The following SAMD14 variants were observed in gnomAD, a reference collection of about 807,000 sequenced individuals.
SAMD14 encodes the protein sterile alpha motif domain containing 14.
A neutral mutation model predicts 46.2 loss-of-function variants in SAMD14; 27 were observed. The observed-to-expected ratio is 0.58, with a 90% CI of 0.43 to 0.81. The LOEUF (loss-of-function observed/expected upper bound fraction) is 0.81. Among genes scored for constraint, SAMD14 ranks in the 30% least tolerant of loss-of-function variants. SAMD14 has a pLI of 0.00. For missense variants in SAMD14, 559 were observed against 582.2 expected (o/e 0.96, Z 0.41); for synonymous variants, 241 against 254.3 (o/e 0.95, Z 0.50).
intron 1 of SAMD14, among the ~76,000 whole-genome samples, chr17:50,125,739 T>C (rs1174724933): frequency 6.6e-6 from 1 of 152,166 alleles, no homozygotes; most frequent in Non-Finnish European, 1.5e-5. Flanking sequence ...ACAAGAGCTG[T>C]TCAGGAAGCT....
At position 50,112,882 on chromosome 17, in the gene SAMD14, T is replaced by G; in HGVS notation, c.*11A>C. The G allele has an allele frequency of 6.2e-7, 1 of 1,600,578 alleles. No homozygotes were observed. The highest frequency in any genetic ancestry group is 8.5e-7 in the Non-Finnish European group (1 of 1,178,662). On this transcript the variant is annotated 3_prime_UTR_variant, in exon 10 of 10. Coordinates refer to ENST00000330175, the MANE Select transcript of SAMD14 (RefSeq NM_001257359.2). ...TGCCCCTGCCGGGTGCCAGCGCCTG[T>G]GCACCCTCCCCTAGCTCTTCTTGGC...
chr17:50,124,774 CACACACACACACA>C (rs1911687197), intron 2 of SAMD14, 130 bp downstream of exon 2: 1 of 502,300 alleles, frequency 2.0e-6, no homozygotes, highest in African/African-American at 2.9e-5. Flanking sequence ...CGCGCGCGCA[CACACACACACACA>C]CACACACACA....
intron 4 of SAMD14, among the ~76,000 whole-genome samples, chr17:50,116,895 T>G (rs1418074218): frequency 6.6e-6 from 1 of 152,052 alleles, no homozygotes; most frequent in African/African-American, 2.4e-5. Context: ...GTTTTTGTTT[T>G]GTTTTGTTTT....
At chr17:50,125,033 C>T (rs1199671507) in intron 1 of SAMD14, 62 bp from the exon 2 acceptor site, 16 of 1,508,738 alleles carry the variant, frequency 1.1e-5, no homozygotes, top group Admixed American at 3.4e-5. Flanking sequence ...TCAGGCTGAC[C>T]GAGGCAGAAG....
chr17:50,114,209 G>A lies in SAMD14; in HGVS notation c.920C>T (p.Thr307Met), dbSNP rs151029854. The stretch of plus-strand genomic sequence containing the variant: ...CACCTCATCTGAAGACTGAGACAGC[G>A]TGTGGTAGGGGTAAGAACATTTGGC... ...QEAKCSYPYHTLSQSSDEFLD... is the reference protein window; with the variant it reads ...QEAKCSYPYHMLSQSSDEFLD... The change falls in exon 8 of 10, where the codon ACG (threonine) becomes ATG (methionine). Residue 307 changes from threonine to methionine, a missense_variant. Thr to Met is a moderately conservative substitution (Grantham distance 81). Coordinates refer to ENST00000330175, the MANE Select transcript of SAMD14 (RefSeq NM_001257359.2). 160 of 1,614,186 alleles carry A rather than the reference G, an allele frequency of 9.9e-5. No individual in the cohort carries two copies. The African/African-American group carries it at 1.7e-3, about 17-fold the overall frequency.
At chr17:50,128,156 A>C (rs1321691706) in intron 1 of SAMD14, among the ~76,000 whole-genome samples, 2 of 152,130 alleles carry the variant, frequency 1.3e-5, no homozygotes, top group Non-Finnish European at 2.9e-5. Context: ...CTGAGAATGA[A>C]GATCCTGTGT....
At chr17:50,128,120 G>A (rs1490484283) in intron 1 of SAMD14, among the ~76,000 whole-genome samples, 1 of 152,160 alleles carries the variant, frequency 6.6e-6, no homozygotes, top group East Asian at 1.9e-4. Flanking sequence ...CTCTCTGAGG[G>A]CAGTAGTGTT....
Position 50,115,528 on chromosome 17 carries a change from G to A in SAMD14, c.822+36C>T. The A allele has an allele frequency of 1.3e-6, 2 of 1,509,500 alleles. No homozygotes were observed. The highest frequency in any genetic ancestry group is 1.8e-6 in the Non-Finnish European group (2 of 1,127,516). The allele number at this position is 1,509,500 out of a possible 1,614,324, so 93.5% of individuals were successfully genotyped here. A position where few individuals can be genotyped will look rare whatever the true frequency, so the allele number is the denominator to read the frequency against. ...TACGCCCTCATGTCACCTGAGACTGGGGGCCAGTTTGGGGACAAGAAAGGC... is the reference window on the plus strand; with the variant it reads ...TACGCCCTCATGTCACCTGAGACTGAGGGCCAGTTTGGGGACAAGAAAGGC... On this transcript the variant is annotated intron_variant, in intron 7 of 9. Coordinates refer to ENST00000330175, the MANE Select transcript of SAMD14 (RefSeq NM_001257359.2). This position sits in a 1 kb window ranked among gnomAD's most constrained non-coding sequence, Gnocchi z 5.3.
chr17:50,123,353 A>G (rs1249799373), intron 2 of SAMD14, among the ~76,000 whole-genome samples: 1 of 152,194 alleles, frequency 6.6e-6, no homozygotes, highest in Non-Finnish European at 1.5e-5. Flanking sequence ...CAAGGAGGAC[A>G]GGAGGACACC....
rs187941457 is a variant in SAMD14 at position 50,115,398 on chromosome 17, C to T, written c.822+166G>A. Among the ~76,000 whole-genome samples, 45 of 152,304 alleles carry T rather than the reference C, an allele frequency of 3.0e-4. No individual in the cohort carries two copies. The highest frequency in any genetic ancestry group is 1.0e-3 in the African/African-American group (43 of 41,568). On this transcript the variant is annotated intron_variant, in intron 7 of 9. Transcript: ENST00000330175. The surrounding 1 kb of genome is among the most constrained non-coding windows in gnomAD (Gnocchi z 5.3). ...GAATATGAAGGAGTGGAAGAGTGAA[C>T]GAATGAATTCAGAGAATGCATGAAG... is the stretch of plus-strand genomic sequence containing the variant.
chr17:50,120,677 A>T (rs1244675509), intron 2 of SAMD14, among the ~76,000 whole-genome samples: 1 of 151,562 alleles, frequency 6.6e-6, no homozygotes, highest in East Asian at 1.9e-4. Context: ...CTGTCCCTCC[A>T]CTCCAACCAT....
At chr17:50,118,419 C>T in intron 2 of SAMD14, 92 bp from the exon 3 acceptor site, 1 of 1,447,884 alleles carries the variant, frequency 6.9e-7, no homozygotes, top group African/African-American at 1.4e-5. Context: ...CACCCACACC[C>T]CAGGCATTCA....
At chr17:50,124,851 TG>T (rs1421463904) in intron 2 of SAMD14, 65 bp downstream of exon 2, 42 of 1,490,036 alleles carry the variant, frequency 2.8e-5, no homozygotes, top group Non-Finnish European at 3.8e-5. Flanking sequence ...CAATGCCTGG[TG>T]GCCCAGGAAG....
In SAMD14 at chr17:50,117,528, G is replaced by A. The variant is rs948036410; in HGVS notation, c.378C>T (p.His126=). 2.4e-5 allele frequency: 37 copies of A among 1,536,376 alleles called. No individual in the cohort carries two copies. The highest frequency in any genetic ancestry group is 2.9e-5 in the Non-Finnish European group (33 of 1,152,456). Residue 126 remains histidine, a synonymous_variant, in exon 4 of 10, where the codon CAC becomes CAT. Coordinates refer to ENST00000330175, the MANE Select transcript of SAMD14 (RefSeq NM_001257359.2). ...PSPLTRYRPL[H]NAASHEGLAA... ...CCAGGCCCTCGTGCGACGCAGCGTT[G>A]TGCAGGGGCCGGTAGCGTGTGAGCG...
chr17:50,128,795 G>A (rs915971411), intron 1 of SAMD14, among the ~76,000 whole-genome samples: 2 of 152,192 alleles, frequency 1.3e-5, no homozygotes, highest in Non-Finnish European at 2.9e-5. Flanking sequence ...AGTCCACAGG[G>A]CTGCTGAGAA....
intron 2 of SAMD14, among the ~76,000 whole-genome samples, chr17:50,120,053 A>T (rs1001663120): frequency 2.8e-4 from 42 of 152,146 alleles, no homozygotes; most frequent in African/African-American, 9.2e-4. Context: ...AAGGGATATG[A>T]TGTTTTGGAC....
rs1248615374 is a variant in SAMD14, at chr17:50,130,119, G to GCCTC, written c.-616_-615insGAGG. Among the ~76,000 whole-genome samples the GCCTC allele has an allele frequency of 6.6e-6, 1 of 152,086 alleles. No homozygotes were observed. Among genetic ancestry groups the GCCTC allele is most frequent in the Non-Finnish European group, 1.5e-5 (1 of 67,988 alleles). On this transcript the variant is annotated 5_prime_UTR_variant, in exon 1 of 10. Transcript: ENST00000330175. The surrounding 1 kb of genome is among the most constrained non-coding windows in gnomAD (Gnocchi z 4.1). ...GGGAGGAGGCGGCTGGGGCCGGGGA[G>GCCTC]CGGAGTTGCAGCTACTTCTCTGCCC...
chr17:50,117,555 C>G lies in SAMD14; in HGVS notation c.351G>C (p.Ser117=). 6.4e-7 allele frequency: 1 copy of G among 1,552,150 alleles called. No homozygotes were observed. Among genetic ancestry groups the G allele is most frequent in the Non-Finnish European group, 8.6e-7 (1 of 1,159,460 alleles). ...GCAGGGGCCGGTAGCGTGTGAGCGG[C>G]GAGGGCGGCGGCTCGTCCTCGTCCA... ...RSLDEDEPPP[S]PLTRYRPLHN... Residue 117 remains serine (S), a synonymous_variant, in exon 4 of 10, where the codon TCG becomes TCC. Coordinates refer to ENST00000330175, the MANE Select transcript of SAMD14 (RefSeq NM_001257359.2).
Position 50,117,665 on chromosome 17 carries a change from G to A in SAMD14, c.241C>T (p.Arg81Trp), listed in dbSNP as rs1598226834. The A allele has an allele frequency of 2.7e-6, 4 of 1,507,520 alleles. No homozygotes were observed. The highest frequency in any genetic ancestry group is 3.5e-6 in the Non-Finnish European group (4 of 1,136,898). 93.4% of individuals were successfully genotyped at this position (1,507,520 alleles called of 1,614,324 possible). A position where few individuals can be genotyped will look rare whatever the true frequency, so the allele number is the denominator to read the frequency against. The change falls in exon 4 of 10, where the codon CGG becomes TGG. Residue 81 changes from arginine to tryptophan, a missense_variant. Physicochemically the swap from Arg to Trp is moderately radical, Grantham distance 101. Transcript: ENST00000330175. Reference sequence around the variant, plus strand: ...CCTGAGTGCAAAGGCGAGCGCAGCCGGTGCAGGGGGCTCCCGCAGCCATCG... The same window carrying A: ...CCTGAGTGCAAAGGCGAGCGCAGCCAGTGCAGGGGGCTCCCGCAGCCATCG... Reference protein sequence around the residue: ...VTDGCGSPLHRLRSPLHSGPG... With the variant: ...VTDGCGSPLHWLRSPLHSGPG...
Sources: allele counts gnomAD v4.1 joint callset (sites outside exome capture counted in the v4.1 genomes callset), GRCh38; gene constraint gnomAD v4.1.1; non-coding constraint Gnocchi (gnomAD v3.1); transcripts MANE v1.5; gene names NCBI Gene and HGNC (gene_info 2026-07-23, HGNC 2026-07-21).